Variants in LRRC57 observed in about 807,000 individuals in gnomAD.
The protein encoded by LRRC57 is leucine-rich repeat-containing protein 57.
A neutral mutation model predicts 23.1 loss-of-function variants in LRRC57; 14 were observed. The ratio of observed to expected loss-of-function variants is 0.61; its 90% CI spans 0.40 to 0.95. The LOEUF is 0.95. LRRC57 is among the 40% of genes least tolerant of loss of function. The pLI is 0.00. For missense variants in LRRC57, 236 were observed against 284.4 expected, an observed-to-expected ratio of 0.83 and a Z score of 1.22; for synonymous variants, 106 against 115.2, an observed-to-expected ratio of 0.92 and a Z score of 0.51.
chr15:42,536,357 T>C (rs1230750010), downstream of LRRC57, among the ~76,000 whole-genome samples: 2 of 152,220 alleles, frequency 1.3e-5, no homozygotes, highest in East Asian at 1.9e-4. Context: ...TAGCATTGTA[T>C]TGCATAGAGT....
At chr15:42,544,574 G>T (rs910794006) in intron 5 of LRRC57, among the ~76,000 whole-genome samples, 1 of 151,774 alleles carries the variant, frequency 6.6e-6, no homozygotes, top group African/African-American at 2.4e-5. Flanking sequence ...TGTAATCCCA[G>T]CACCTTGGGA....
At chr15:42,548,550 T>C in intron 1 of LRRC57, 94 bp from the exon 2 acceptor site, 2 of 1,012,212 alleles carry the variant, frequency 2.0e-6, no homozygotes, top group Admixed American at 2.6e-5. Context: ...CGCCGATCCC[T>C]GGCTCCTGGG....
chr15:42,547,485 G>T lies in LRRC57; in HGVS notation c.268C>A (p.Leu90Ile). 6.2e-7 allele frequency: 1 copy of T among 1,613,882 alleles called. No individual in the cohort carries two copies. The highest frequency in any genetic ancestry group is 8.5e-7 in the Non-Finnish European group (1 of 1,179,820). The change falls in exon 4 of 6, where the codon CTA (leucine) becomes ATA (isoleucine). Residue 90 changes from leucine to isoleucine, a missense_variant. Leu to Ile is a conservative substitution (Grantham distance 5). Transcript: ENST00000397130. The part of the protein sequence containing the change: ...EICNLKKLET[L>I]SLNNNHLREL... The stretch of plus-strand genomic sequence containing the variant: ...CTAAGGTGATTGTTGTTTAGGCTTA[G>T]CGTCTCTAGTTTTTTCAGATTGCAT...
chr15:42,533,456 C>G (rs2057583620), downstream of LRRC57, among the ~76,000 whole-genome samples: 1 of 152,146 alleles, frequency 6.6e-6, no homozygotes, highest in African/African-American at 2.4e-5. Context: ...AATAGAAATG[C>G]TCCATGTCAA....
chr15:42,544,820 C>T lies in LRRC57; in HGVS notation c.678+257G>A, dbSNP rs575376077. ...CGACAGAGTGAGACCCTGTCTCACACACACACACACACACACACACACTAT... is the reference window on the plus strand; with the variant it reads ...CGACAGAGTGAGACCCTGTCTCACATACACACACACACACACACACACTAT... On this transcript the variant is annotated intron_variant, in intron 5 of 5. Coordinates refer to ENST00000397130, the MANE Select transcript of LRRC57 (RefSeq NM_153260.3). 1.1e-4 allele frequency among the ~76,000 whole-genome samples: 12 copies of T among 104,890 alleles called. No homozygotes were observed. In the East Asian group the frequency reaches 1.9e-3, roughly 17 times the overall value. 68.8% of individuals were successfully genotyped at this position (104,890 alleles called of 152,430 possible). A position where few individuals can be genotyped will look rare whatever the true frequency, so the allele number is the denominator to read the frequency against.
chr15:42,545,350 TAC>T, intron 4 of LRRC57, 88 bp from the exon 5 acceptor site: 1 of 839,686 alleles, frequency 1.2e-6, no homozygotes, highest in Non-Finnish European at 1.7e-6. Flanking sequence ...CAAAAATCTT[TAC>T]TTGACTATTT....
the LRRC57 span, chr15:42,531,536 A>G: frequency 4.4e-6 from 6 of 1,357,132 alleles, no homozygotes; most frequent in East Asian, 1.4e-4. Context: ...CTTGAAAGTT[A>G]TTACCTTTTC....
chr15:42,531,664 C>T, the LRRC57 span: 1 of 444,548 alleles, frequency 2.2e-6, no homozygotes, highest in South Asian at 5.0e-5. Context: ...TGCTGCTCTG[C>T]CTTCCTTCTA....
chr15:42,537,137 G>C (rs2057603995), downstream of LRRC57, among the ~76,000 whole-genome samples: 1 of 151,958 alleles, frequency 6.6e-6, no homozygotes, highest in African/African-American at 2.4e-5. Context: ...CCAGCTACTT[G>C]GGAGGCTGAG....
At chr15:42,547,959 G>A (rs1046412184) in intron 3 of LRRC57, 147 bp downstream of exon 3, 2 of 709,088 alleles carry the variant, frequency 2.8e-6, no homozygotes, top group Non-Finnish European at 2.3e-6. Context: ...ATTACAAGAA[G>A]TAGAAAGAAG....
the LRRC57 span, among the ~76,000 whole-genome samples, chr15:42,530,735 G>A: frequency 5.9e-5 from 9 of 152,132 alleles, no homozygotes; most frequent in African/African-American, 2.2e-4. Context: ...GGGCAACAGA[G>A]TGAGACCCTT....
downstream of LRRC57, among the ~76,000 whole-genome samples, chr15:42,537,530 A>G (rs960188872): frequency 1.1e-4 from 17 of 152,206 alleles, no homozygotes; most frequent in Non-Finnish European, 2.1e-4. Context: ...CAGCAATCAT[A>G]CTACTGGGTA....
the LRRC57 span, chr15:42,531,852 T>C: frequency 6.3e-6 from 1 of 158,724 alleles, no homozygotes; most frequent in Middle Eastern, 3.1e-3. Context: ...ATTTTTGCTT[T>C]TGTGGTTGAG....
Position 42,544,000 on chromosome 15 carries a change from A to G in LRRC57, c.*83T>C. 1 of 1,103,952 alleles carries G rather than the reference A, an allele frequency of 9.1e-7. No homozygotes were observed. The allele number at this position is 1,103,952 out of a possible 1,614,324, so 68.4% of individuals were successfully genotyped here. A position where few individuals can be genotyped will look rare whatever the true frequency, so the allele number is the denominator to read the frequency against. ...CTCCTTACTGTAGATACCCCTAACA[A>G]CAACAGGAGGCTTTGACTCAGCCAC... On this transcript the variant is annotated 3_prime_UTR_variant, in exon 6 of 6. Transcript: ENST00000397130.
chr15:42,548,716 G>T lies in LRRC57; in HGVS notation c.-46C>A. 1 of 638,112 alleles carries T rather than the reference G, an allele frequency of 1.6e-6. No homozygotes were observed. The highest frequency in any genetic ancestry group is 2.0e-5 in the South Asian group (1 of 51,212). The allele number at this position is 638,112 out of a possible 1,614,324, so 39.5% of individuals were successfully genotyped here. A position where few individuals can be genotyped will look rare whatever the true frequency, so the allele number is the denominator to read the frequency against. On this transcript the variant is annotated 5_prime_UTR_variant, in exon 1 of 6. Transcript: ENST00000397130. ...GCCTCCCACCGCTCAGCTGCCGTAA[G>T]GCTCCGCAGGTGAAGACCCAGGACC...
the LRRC57 span, among the ~76,000 whole-genome samples, chr15:42,529,442 G>T: frequency 1.3e-5 from 2 of 152,194 alleles, no homozygotes; most frequent in African/African-American, 4.8e-5. Flanking sequence ...TAAGCTTTGA[G>T]AAACACTGTT....
In LRRC57 at chr15:42,543,625, C is replaced by T. The variant is rs2057642230; in HGVS notation, c.*458G>A. On this transcript the variant is annotated 3_prime_UTR_variant, in exon 6 of 6. Transcript: ENST00000397130. The stretch of plus-strand genomic sequence containing the variant: ...AATAAATCCTTAGATCCATGCCAGC[C>T]TCTCACAAATTATCTGAATTTCATA... 1 of 154,704 alleles carries T rather than the reference C, an allele frequency of 6.5e-6. No individual in the cohort carries two copies. The highest frequency in any genetic ancestry group is 2.0e-4 in the South Asian group (1 of 4,904). The allele number at this position is 154,704 out of a possible 1,614,324, so 9.6% of individuals were successfully genotyped here.
At position 42,547,487 on chromosome 15, in the gene LRRC57, G is replaced by A. The variant is rs571068742; in HGVS notation, c.266C>T (p.Thr89Met). Residue 89 changes from threonine (T) to methionine (M), a missense_variant, in exon 4 of 6, where the codon ACG becomes ATG. Thr to Met is a moderately conservative substitution (Grantham distance 81, BLOSUM62 -1). Coordinates refer to ENST00000397130, the MANE Select transcript of LRRC57 (RefSeq NM_153260.3). ...AAGGTGATTGTTGTTTAGGCTTAGC[G>A]TCTCTAGTTTTTTCAGATTGCATAT... ...DEICNLKKLE[T>M]LSLNNNHLRE... The A allele has an allele frequency of 1.7e-5, 27 of 1,613,732 alleles. No individual in the cohort carries two copies. The highest frequency in any genetic ancestry group is 6.7e-5 in the Admixed American group (4 of 59,982).
chr15:42,544,383 CA>C (rs2057645980), intron 5 of LRRC57, among the ~76,000 whole-genome samples: 2 of 151,532 alleles, frequency 1.3e-5, no homozygotes, highest in Admixed American at 1.3e-4. Context: ...AGCAATCTAC[CA>C]AAAATAGAAA....
Sources: gnomAD v4.1 joint callset for allele counts (sites outside exome capture counted in the v4.1 genomes callset) on GRCh38, gnomAD v4.1.1 for gene constraint, MANE v1.5 for transcripts, NCBI Gene and HGNC (gene_info 2026-07-23, HGNC 2026-07-21) for gene names.